Variants in WDPCP observed in about 807,000 individuals in gnomAD.
WDPCP encodes the protein WD repeat-containing and planar cell polarity effector protein fritz homolog.
WDPCP carries 71 observed loss-of-function variants against 93.1 expected under a neutral mutation model. The ratio of observed to expected loss-of-function variants is 0.76; its 90% CI spans 0.63 to 0.93. WDPCP has a LOEUF of 0.93. Ranked by LOEUF, WDPCP falls within the 40% of genes least tolerant of loss-of-function variation. The pLI is 0.00. For missense variants in WDPCP, 844 were observed against 887.4 expected, an observed-to-expected ratio of 0.95 and a Z score of 0.62; for synonymous variants, 315 against 315.0, an observed-to-expected ratio of 1.00 and a Z score of 0.00.
intron 9 of WDPCP, among the ~76,000 whole-genome samples, chr2:63,419,660 T>A (rs1695699804): frequency 2.6e-5 from 4 of 152,174 alleles, no homozygotes; most frequent in Admixed American, 2.6e-4. Flanking sequence ...CTGGAAGATA[T>A]TTAAAATCAG....
At chr2:63,140,258 A>G (rs1670959374) in intron 17 of WDPCP, among the ~76,000 whole-genome samples, 1 of 151,402 alleles carries the variant, frequency 6.6e-6, no homozygotes, top group Non-Finnish European at 1.5e-5. Flanking sequence ...CTTCCTCTAG[A>G]TTTGTTCTTT....
chr2:63,210,359 G>C (rs1229174684), intron 14 of WDPCP, among the ~76,000 whole-genome samples: 1 of 151,986 alleles, frequency 6.6e-6, no homozygotes, highest in African/African-American at 2.4e-5. Flanking sequence ...AAGTTTCACA[G>C]ATTAAAACTT....
chr2:63,372,113 G>C (rs962182699), intron 12 of WDPCP, among the ~76,000 whole-genome samples: 2 of 152,124 alleles, frequency 1.3e-5, no homozygotes, highest in South Asian at 4.1e-4. Context: ...AAGGCAAAGG[G>C]GGAGCCAGCA....
At chr2:63,295,979 A>G (rs1684822760) in intron 13 of WDPCP, among the ~76,000 whole-genome samples, 1 of 152,024 alleles carries the variant, frequency 6.6e-6, no homozygotes, top group South Asian at 2.1e-4. Context: ...ATGCAAAGAC[A>G]CAACAAATAT....
At chr2:63,136,387 A>T (rs1670619017) in intron 17 of WDPCP, among the ~76,000 whole-genome samples, 1 of 151,964 alleles carries the variant, frequency 6.6e-6, no homozygotes, top group Admixed American at 6.5e-5. Context: ...GCAGGGATTG[A>T]TGGAGAGAGT....
intron 17 of WDPCP, among the ~76,000 whole-genome samples, chr2:63,131,554 A>C (rs1312372061): frequency 6.6e-6 from 1 of 152,030 alleles, no homozygotes; most frequent in East Asian, 1.9e-4. Flanking sequence ...TTTTTGTGTG[A>C]GTAATTTTAT....
intron 3 of WDPCP, among the ~76,000 whole-genome samples, chr2:63,621,377 TACA>T (rs1174307552): frequency 1.3e-5 from 2 of 151,838 alleles, no homozygotes; most frequent in African/African-American, 4.8e-5. Flanking sequence ...TCGTGAAGCA[TACA>T]CAAGTATCAA....
At chr2:63,625,332 A>G (rs1165843403) in intron 3 of WDPCP, among the ~76,000 whole-genome samples, 2 of 152,204 alleles carry the variant, frequency 1.3e-5, no homozygotes, top group African/African-American at 2.4e-5. Flanking sequence ...GGCGAGGGCA[A>G]TTAGGCAAGA....
intron 2 of WDPCP, among the ~76,000 whole-genome samples, chr2:63,658,378 T>C (rs1710191049): frequency 6.6e-6 from 1 of 152,226 alleles, no homozygotes; most frequent in African/African-American, 2.4e-5. Flanking sequence ...TGGGGATGTG[T>C]CAGCTGTTTG....
At chr2:63,824,629 A>C (rs1671085421) in intron 1 of WDPCP, among the ~76,000 whole-genome samples, 1 of 151,730 alleles carries the variant, frequency 6.6e-6, no homozygotes, top group Admixed American at 6.6e-5. Flanking sequence ...AGAATCAATC[A>C]AATCTTTATC....
chr2:63,676,098 G>A (rs974404716), intron 2 of WDPCP, among the ~76,000 whole-genome samples: 1 of 152,156 alleles, frequency 6.6e-6, no homozygotes, highest in East Asian at 1.9e-4. Flanking sequence ...GAGTAATCCT[G>A]GCACTGATAA....
At chr2:63,492,177 TATAA>T (rs1246108984) in intron 2 of WDPCP, among the ~76,000 whole-genome samples, 1 of 152,156 alleles carries the variant, frequency 6.6e-6, no homozygotes, top group Non-Finnish European at 1.5e-5. Context: ...GCTTAAAAGA[TATAA>T]ATAATATTCT....
In WDPCP at chr2:63,588,378, GCCA is replaced by G; in HGVS notation, c.-110_-108del. ...GGGTCTCCAGGACGCCGCCGCCGCCGCCACAGTTTCCTCAGGTGCTACAAAGCA... is the reference window on the plus strand; with the variant it reads ...GGGTCTCCAGGACGCCGCCGCCGCCGCAGTTTCCTCAGGTGCTACAAAGCA... On this transcript the variant is annotated 5_prime_UTR_variant, in exon 1 of 18. Transcript: ENST00000272321. The G allele has an allele frequency of 7.6e-7, 1 of 1,314,904 alleles. No homozygotes were observed. The highest frequency in any genetic ancestry group is 1.1e-6 in the Non-Finnish European group (1 of 931,648). 81.5% of individuals were successfully genotyped at this position (1,314,904 alleles called of 1,614,324 possible). A position where few individuals can be genotyped will look rare whatever the true frequency, so the allele number is the denominator to read the frequency against.
intron 2 of WDPCP, among the ~76,000 whole-genome samples, chr2:63,662,051 G>A (rs1710233065): frequency 6.6e-6 from 1 of 152,174 alleles, no homozygotes; most frequent in Non-Finnish European, 1.5e-5. Context: ...AATTGGAATG[G>A]ATCATGGTGG....
chr2:63,163,570 C>T (rs1368614155), intron 15 of WDPCP, among the ~76,000 whole-genome samples: 1 of 152,134 alleles, frequency 6.6e-6, no homozygotes, highest in African/African-American at 2.4e-5. Context: ...GACTCCTAGA[C>T]ATATGCCATA....
chr2:63,158,515 A>T (rs1373868659), intron 15 of WDPCP, among the ~76,000 whole-genome samples: 1 of 152,048 alleles, frequency 6.6e-6, no homozygotes, highest in African/African-American at 2.4e-5. Context: ...CATTTACCTT[A>T]TGTCTCAAGA....
intron 17 of WDPCP, among the ~76,000 whole-genome samples, chr2:63,145,090 A>G (rs929202363): frequency 1.3e-5 from 2 of 152,176 alleles, no homozygotes; most frequent in Non-Finnish European, 2.9e-5. Flanking sequence ...TTGTCTGCAC[A>G]GAGTCCTGTG....
intron 14 of WDPCP, among the ~76,000 whole-genome samples, chr2:63,224,479 A>C (rs1483336542): frequency 6.6e-6 from 1 of 152,076 alleles, no homozygotes; most frequent in African/African-American, 2.4e-5. Context: ...GCCAGAACTC[A>C]GAAGTAACCA....
At chr2:63,413,573 G>A (rs1228550483) in intron 9 of WDPCP, among the ~76,000 whole-genome samples, 13 of 152,208 alleles carry the variant, frequency 8.5e-5, no homozygotes, top group South Asian at 4.1e-4. Flanking sequence ...CGAGACGAGC[G>A]GATCATGAGG....
Sources: allele counts gnomAD v4.1 joint callset (sites outside exome capture counted in the v4.1 genomes callset), GRCh38; gene constraint gnomAD v4.1.1; transcripts MANE v1.5; gene names NCBI Gene and HGNC (gene_info 2026-07-23, HGNC 2026-07-21).